PHLPP1: variants seen among roughly 807,000 people sequenced by gnomAD.
The protein encoded by PHLPP1 is PH domain leucine-rich repeat-containing protein phosphatase 1.
PHLPP1 carries 42 observed loss-of-function variants against 117.2 expected under a neutral mutation model. The observed-to-expected ratio is 0.36, with a 90% CI of 0.28 to 0.46. The LOEUF (loss-of-function observed/expected upper bound fraction) is 0.46, where lower values mean the gene tolerates loss of function less well. PHLPP1 is among the 20% of genes least tolerant of loss of function. The pLI, the probability that PHLPP1 is intolerant of heterozygous loss-of-function variation, is 1.00. For synonymous variants in PHLPP1, 1,042 were observed against 970.7 expected (o/e 1.07, Z -1.37); for missense variants, 2,084 against 2,241.9 (o/e 0.93, Z 1.42).
chr18:62,758,913 T>C (rs1912119609), intron 1 of PHLPP1, among the ~76,000 whole-genome samples: 1 of 152,202 alleles, frequency 6.6e-6, no homozygotes. Context: ...TCCAAGTCTT[T>C]CTAAACTAAG....
intron 1 of PHLPP1, among the ~76,000 whole-genome samples, chr18:62,791,206 T>A (rs541798805): frequency 2.4e-4 from 36 of 152,288 alleles, no homozygotes; most frequent in Admixed American, 2.4e-3. Context: ...TTGGATTTTC[T>A]TGAAAACAAG....
intron 1 of PHLPP1, among the ~76,000 whole-genome samples, chr18:62,754,545 T>TGG (rs1911953751): frequency 6.6e-6 from 1 of 152,242 alleles, no homozygotes; most frequent in African/African-American, 2.4e-5. Flanking sequence ...GTTTTTGCTT[T>TGG]GGGGAGCATC....
chr18:62,763,917 C>A (rs12965738), intron 1 of PHLPP1, among the ~76,000 whole-genome samples: 8,658 of 152,126 alleles, frequency 0.057, 341 homozygotes, highest in Middle Eastern at 0.086. Flanking sequence ...AATCCCAGCA[C>A]TTTGGGAGGC....
At chr18:62,861,879 G>A (rs1439017409) in intron 4 of PHLPP1, among the ~76,000 whole-genome samples, 1 of 152,126 alleles carries the variant, frequency 6.6e-6, no homozygotes, top group Non-Finnish European at 1.5e-5. Context: ...CTATTCGTGA[G>A]CTTTTTGAAT....
chr18:62,973,738 G>A (rs901448120), intron 15 of PHLPP1, among the ~76,000 whole-genome samples: 7 of 152,156 alleles, frequency 4.6e-5, no homozygotes, highest in African/African-American at 1.7e-4. Flanking sequence ...ATTAGCAACT[G>A]AACAATAATG....
At chr18:62,935,051 T>A (rs1909931458) in intron 10 of PHLPP1, among the ~76,000 whole-genome samples, 1 of 152,200 alleles carries the variant, frequency 6.6e-6, no homozygotes, top group Non-Finnish European at 1.5e-5. Context: ...CAAGAAAAGA[T>A]CAATTAGAGG....
At chr18:62,720,793 A>G (rs1235708571) in intron 1 of PHLPP1, among the ~76,000 whole-genome samples, 2 of 151,994 alleles carry the variant, frequency 1.3e-5, no homozygotes, top group African/African-American at 4.8e-5. Flanking sequence ...CTTCACTACT[A>G]TGGCGTGATA....
At chr18:62,888,354 A>C (rs1229325857) in intron 4 of PHLPP1, among the ~76,000 whole-genome samples, 1 of 143,870 alleles carries the variant, frequency 7.0e-6, no homozygotes, top group Non-Finnish European at 1.5e-5. Context: ...TTTTCTTTTT[A>C]AAACCAGTCA....
intron 14 of PHLPP1, among the ~76,000 whole-genome samples, chr18:62,970,149 A>G (rs1021150277): frequency 1.3e-5 from 2 of 152,050 alleles, no homozygotes; most frequent in Non-Finnish European, 1.5e-5. Context: ...TAGAGTTTAT[A>G]GTGTGATATT....
intron 3 of PHLPP1, chr18:62,839,837 A>G (rs942756129): frequency 2.7e-5 from 4 of 149,690 alleles, no homozygotes; most frequent in African/African-American, 9.8e-5. Context: ...CCAGAATCAC[A>G]TTATAAATAA....
chr18:62,773,641 T>G (rs1178184813), intron 1 of PHLPP1, among the ~76,000 whole-genome samples: 1 of 152,216 alleles, frequency 6.6e-6, no homozygotes, highest in African/African-American at 2.4e-5. Context: ...CAAAATGTAG[T>G]GTATCTCCAC....
In PHLPP1 at chr18:62,745,870, A is replaced by G. The variant is rs539105132; in HGVS notation, c.1576+28611A>G. Among the ~76,000 whole-genome samples, 16 of 152,332 alleles carry G rather than the reference A, an allele frequency of 1.1e-4. 1 individual carries two copies. Among genetic ancestry groups the G allele is most frequent in the Middle Eastern group, 3.4e-3 (1 of 294 alleles). ...AATTTTTACAATCTGGAGGAAAACT[A>G]TAAAGATTTGAAATCCAAATACTGT... is the stretch of plus-strand genomic sequence containing the variant. On this transcript the variant is annotated intron_variant, in intron 1 of 16. Coordinates refer to ENST00000262719, the MANE Select transcript of PHLPP1 (RefSeq NM_194449.4).
chr18:62,781,637 A>G (rs1913121739), intron 1 of PHLPP1, among the ~76,000 whole-genome samples: 1 of 151,042 alleles, frequency 6.6e-6, no homozygotes, highest in African/African-American at 2.4e-5. Context: ...GTATATCTCT[A>G]CCCTCCCACC....
intron 1 of PHLPP1, among the ~76,000 whole-genome samples, chr18:62,800,757 G>A (rs1190220415): frequency 6.6e-6 from 1 of 151,988 alleles, no homozygotes; most frequent in African/African-American, 2.4e-5. Context: ...ATTTTCTAGA[G>A]TGCCTTGAAG....
At chr18:62,886,385 C>T (rs531936555) in intron 4 of PHLPP1, among the ~76,000 whole-genome samples, 325 of 152,284 alleles carry the variant, frequency 2.1e-3, no homozygotes, top group African/African-American at 7.6e-3. Context: ...CTCCTGGGCT[C>T]AAGTGATCCA....
intron 4 of PHLPP1, among the ~76,000 whole-genome samples, chr18:62,875,692 CTTCTTTGCAAAAGGTATTTGTAGCAACT>C (rs1916030103): frequency 6.7e-6 from 1 of 150,208 alleles, no homozygotes; most frequent in Admixed American, 6.7e-5. Context: ...TTTGTAGCAA[CTTCTTTGCAAAAGGTATTTGTAGCAACT>C]TTTTTTTTTT....
Position 62,940,164 on chromosome 18 carries a change from A to G in PHLPP1, c.2961-1554A>G, listed in dbSNP as rs147977317. On this transcript the variant is annotated intron_variant, in intron 10 of 16. Transcript: ENST00000262719. Reference sequence around the variant, plus strand: ...CATCTCTGACTCTTGAGGGTGACACAGTCCGTCCCTTTGGAGTGATTTGGA... The same window carrying G: ...CATCTCTGACTCTTGAGGGTGACACGGTCCGTCCCTTTGGAGTGATTTGGA... Among the ~76,000 whole-genome samples, 48 of 152,108 alleles carry G rather than the reference A, an allele frequency of 3.2e-4. 1 individual carries two copies. In the East Asian group the frequency reaches 8.9e-3, roughly 28 times the overall value.
At chr18:62,829,587 A>T (rs1194041559) in intron 1 of PHLPP1, among the ~76,000 whole-genome samples, 2 of 152,180 alleles carry the variant, frequency 1.3e-5, no homozygotes, top group East Asian at 3.9e-4. Flanking sequence ...CCCCGTCTCT[A>T]CTAAAAATAC....
intron 1 of PHLPP1, among the ~76,000 whole-genome samples, chr18:62,828,204 GTC>G (rs1914663249): frequency 6.6e-6 from 1 of 152,044 alleles, no homozygotes; most frequent in African/African-American, 2.4e-5. Flanking sequence ...CAGGAAGAGA[GTC>G]TGTCATATAG....
Sources: allele counts gnomAD v4.1 joint callset (sites outside exome capture counted in the v4.1 genomes callset), GRCh38; gene constraint gnomAD v4.1.1; transcripts MANE v1.5; gene names NCBI Gene and HGNC (gene_info 2026-07-23, HGNC 2026-07-21).